CBR4: variants seen among roughly 807,000 people sequenced by gnomAD.
CBR4 encodes carbonyl reductase 4.
In CBR4, 22 loss-of-function variants were observed where a neutral mutation model predicts 21.0. That is an observed-to-expected ratio of 1.05 (90% CI 0.75 to 1.50). The LOEUF (loss-of-function observed/expected upper bound fraction) is 1.50, where lower values mean the gene tolerates loss of function less well. Among genes scored for constraint, CBR4 ranks in the 40% most tolerant of loss-of-function variants. The probability of loss-of-function intolerance (pLI) is 0.00; values close to 1 mark genes in which losing one functional copy is unlikely to be tolerated. For missense variants in CBR4, 302 were observed against 286.3 expected (o/e 1.05, Z -0.40); for synonymous variants, 100 against 104.4 (o/e 0.96, Z 0.26).
intron 2 of CBR4, among the ~76,000 whole-genome samples, chr4:168,961,550 T>C (rs1167925078): frequency 6.6e-6 from 1 of 152,050 alleles, no homozygotes; most frequent in Admixed American, 6.6e-5. Flanking sequence ...CTCCATGAGA[T>C]CCATGAACTA....
At chr4:168,971,610 G>C (rs1764212480) in intron 2 of CBR4, among the ~76,000 whole-genome samples, 1 of 151,820 alleles carries the variant, frequency 6.6e-6, no homozygotes, top group Non-Finnish European at 1.5e-5. Flanking sequence ...TGTGATAATT[G>C]TCTACTCATG....
At chr4:168,994,569 C>T (rs1765090908) in intron 4 of CBR4, among the ~76,000 whole-genome samples, 1 of 151,940 alleles carries the variant, frequency 6.6e-6, no homozygotes, top group African/African-American at 2.4e-5. Context: ...GGTTTCTTTT[C>T]TGTTTTTTCT....
intron 2 of CBR4, among the ~76,000 whole-genome samples, chr4:168,931,633 G>A (rs1253414205): frequency 6.6e-6 from 1 of 151,336 alleles, no homozygotes; most frequent in Non-Finnish European, 1.5e-5. Flanking sequence ...CAGGCCAAAT[G>A]AGCATGCCTG....
At chr4:168,964,262 G>A (rs1162833882) in intron 2 of CBR4, among the ~76,000 whole-genome samples, 1 of 152,200 alleles carries the variant, frequency 6.6e-6, no homozygotes, top group Non-Finnish European at 1.5e-5. Context: ...ACCAAGGTCT[G>A]AGTATGCATA....
At chr4:168,947,601 A>G (rs1446225325) in intron 2 of CBR4, among the ~76,000 whole-genome samples, 32 of 152,010 alleles carry the variant, frequency 2.1e-4, no homozygotes, top group Admixed American at 2.0e-3. Context: ...GCGTCCTCAT[A>G]GCTTAGCTCC....
intron 2 of CBR4, among the ~76,000 whole-genome samples, chr4:168,931,604 C>A (rs1762971421): frequency 6.6e-6 from 1 of 151,842 alleles, no homozygotes; most frequent in Non-Finnish European, 1.5e-5. Flanking sequence ...ACTTGGCCCA[C>A]CTCTGGCAGA....
At chr4:168,996,810 T>G (rs1765226466) in intron 4 of CBR4, among the ~76,000 whole-genome samples, 1 of 152,222 alleles carries the variant, frequency 6.6e-6, no homozygotes, top group African/African-American at 2.4e-5. Context: ...TAAATTACTC[T>G]GGGCTGTATG....
At chr4:168,953,263 C>T (rs374148636) in intron 2 of CBR4, among the ~76,000 whole-genome samples, 1 of 151,110 alleles carries the variant, frequency 6.6e-6, no homozygotes, top group South Asian at 2.1e-4. Flanking sequence ...TTACTCCCAC[C>T]GTGCCCCCCC....
chr4:168,994,394 C>G (rs1453474042), intron 4 of CBR4, among the ~76,000 whole-genome samples: 1 of 152,204 alleles, frequency 6.6e-6, no homozygotes, highest in Non-Finnish European at 1.5e-5. Flanking sequence ...ATGGCCATCA[C>G]AAACAGGTCA....
chr4:168,919,926 T>C (rs1346987591), intron 2 of CBR4, among the ~76,000 whole-genome samples: 1 of 152,190 alleles, frequency 6.6e-6, no homozygotes, highest in African/African-American at 2.4e-5. Flanking sequence ...TGCCCTAGCA[T>C]GAGTAACTAT....
At chr4:168,990,402 A>C (rs1764857496) in intron 4 of CBR4, 74 bp from the exon 5 acceptor site, 6 of 1,289,774 alleles carry the variant, frequency 4.7e-6, no homozygotes, top group Non-Finnish European at 6.1e-6. Flanking sequence ...AAAAATAATA[A>C]ATTTGTTTCT....
At chr4:168,924,209 T>C (rs1188994865) in intron 2 of CBR4, 1 of 1,536,342 alleles carries the variant, frequency 6.5e-7, no homozygotes, top group East Asian at 2.2e-5. Context: ...TTTCTAGTGC[T>C]CCTTTTGTAT....
At position 168,992,644 on chromosome 4, in the gene CBR4, T is replaced by C. The variant is rs527916098; in HGVS notation, c.536-2316A>G. 2.6e-5 allele frequency among the ~76,000 whole-genome samples: 4 copies of C among 152,302 alleles called. No individual in the cohort carries two copies. In the South Asian group the frequency reaches 8.3e-4, roughly 32 times the overall value. ...TATTAAAAACACAACAAAGAACTTATACTAATGACTGAAAAAAGTACTATA... is the reference window on the plus strand; with the variant it reads ...TATTAAAAACACAACAAAGAACTTACACTAATGACTGAAAAAAGTACTATA... On this transcript the variant is annotated intron_variant, in intron 4 of 4. Transcript: ENST00000306193.
chr4:168,959,120 C>T (rs1763770371), intron 2 of CBR4, among the ~76,000 whole-genome samples: 1 of 152,072 alleles, frequency 6.6e-6, no homozygotes, highest in Non-Finnish European at 1.5e-5. Context: ...ACTGCCTACC[C>T]CAAAGTCACT....
chr4:168,973,794 T>C (rs1342625285), intron 2 of CBR4, among the ~76,000 whole-genome samples: 1 of 152,260 alleles, frequency 6.6e-6, no homozygotes, highest in East Asian at 1.9e-4. Context: ...TTTCCAGGAA[T>C]GTATCTATCT....
At chr4:168,895,105 C>T (rs532964984) in intron 2 of CBR4, among the ~76,000 whole-genome samples, 7 of 152,176 alleles carry the variant, frequency 4.6e-5, no homozygotes, top group Non-Finnish European at 8.8e-5. Flanking sequence ...CACATATGGC[C>T]GGGCACAGTG....
At chr4:168,896,966 G>A (rs1192796763) in intron 2 of CBR4, among the ~76,000 whole-genome samples, 3 of 152,078 alleles carry the variant, frequency 2.0e-5, no homozygotes, top group Non-Finnish European at 4.4e-5. Flanking sequence ...CAAGTAGCTG[G>A]GATTACAAGT....
intron 2 of CBR4, among the ~76,000 whole-genome samples, chr4:168,976,342 T>C (rs1315413368): frequency 6.6e-6 from 1 of 152,194 alleles, no homozygotes; most frequent in Non-Finnish European, 1.5e-5. Flanking sequence ...TATATTTCAC[T>C]TGGCTCCCTA....
intron 2 of CBR4, among the ~76,000 whole-genome samples, chr4:168,977,711 T>C (rs1764413908): frequency 6.6e-6 from 1 of 152,208 alleles, no homozygotes; most frequent in African/African-American, 2.4e-5. Flanking sequence ...ATGTTTAAAA[T>C]TAAACTCATG....
Sources: allele counts gnomAD v4.1 joint callset (sites outside exome capture counted in the v4.1 genomes callset), GRCh38; gene constraint gnomAD v4.1.1; transcripts MANE v1.5; gene names NCBI Gene and HGNC (gene_info 2026-07-23, HGNC 2026-07-21).